Variants in LRTM3 observed in about 807,000 individuals in gnomAD.
The protein encoded by LRTM3 is leucine rich repeat transmembrane protein 3.
chr13:102,755,931 GTATATATATACA>G, the LRTM3 span, among the ~76,000 whole-genome samples: 120 of 115,420 alleles, frequency 1.0e-3, no homozygotes, highest in African/African-American at 3.8e-3. Context: ...GTGTGTGTGT[GTATATATATACA>G]TATATATATA....
chr13:102,732,012 G>C, the LRTM3 span: 2 of 1,551,278 alleles, frequency 1.3e-6, no homozygotes, highest in East Asian at 4.9e-5. Flanking sequence ...TCACTTCTGA[G>C]GTTTGCTTCT....
At chr13:102,734,638 G>T in the LRTM3 span, 1 of 1,550,716 alleles carries the variant, frequency 6.4e-7, no homozygotes, top group African/African-American at 1.4e-5. Context: ...CATCTTTTGG[G>T]ATATCACCAA....
At chr13:102,736,740 C>T in the LRTM3 span, 2 of 1,550,572 alleles carry the variant, frequency 1.3e-6, no homozygotes, top group African/African-American at 1.4e-5. Flanking sequence ...TCTGCCTTTA[C>T]AGCTATGTAC....
chr13:102,741,334 G>GA, the LRTM3 span: 1 of 1,549,324 alleles, frequency 6.5e-7, no homozygotes, highest in Admixed American at 2.0e-5. Context: ...CCTTACTGAG[G>GA]AAAGATTCAG....
the LRTM3 span, chr13:102,731,684 T>A: frequency 6.4e-7 from 1 of 1,551,316 alleles, no homozygotes; most frequent in African/African-American, 1.4e-5. Flanking sequence ...AAGTAAATGT[T>A]CTGCATTTGT....
At chr13:102,731,344 A>C in the LRTM3 span, 1 of 1,551,286 alleles carries the variant, frequency 6.4e-7, no homozygotes, top group Non-Finnish European at 8.7e-7. Context: ...TATCTTTTGA[A>C]ATAGTCCCTT....
At chr13:102,736,020 C>T in the LRTM3 span, 227,019 of 1,548,830 alleles carry the variant, frequency 0.15, 19,991 homozygotes, top group East Asian at 0.44. Flanking sequence ...AGTATTCTAC[C>T]TTCCCTGCCT....
At chr13:102,754,196 C>G in the LRTM3 span, among the ~76,000 whole-genome samples, 1 of 123,406 alleles carries the variant, frequency 8.1e-6, no homozygotes, top group African/African-American at 3.0e-5. Context: ...CAGAATGAGA[C>G]TCCATCTCCA....
the LRTM3 span, chr13:102,743,192 A>T: frequency 4.7e-5 from 73 of 1,550,566 alleles, no homozygotes; most frequent in East Asian, 5.9e-4. Context: ...TGCTCCCTTT[A>T]CCAAGTTGGA....
chr13:102,748,571 G>A, the LRTM3 span: 100 of 1,550,640 alleles, frequency 6.4e-5, no homozygotes, highest in African/African-American at 5.2e-4. Context: ...TCTATTGTTC[G>A]ATTCCATTTC....
At chr13:102,746,169 T>G in the LRTM3 span, 1 of 1,551,156 alleles carries the variant, frequency 6.4e-7, no homozygotes, top group Non-Finnish European at 8.7e-7. Context: ...CGTTGTCCAT[T>G]AATATGTAGC....
At chr13:102,730,719 C>T in the LRTM3 span, 6 of 1,551,842 alleles carry the variant, frequency 3.9e-6, no homozygotes, top group East Asian at 1.2e-4. Context: ...CCACTTTGTC[C>T]ACCAGCATTT....
At chr13:102,736,473 G>T in the LRTM3 span, 1 of 1,551,076 alleles carries the variant, frequency 6.4e-7, no homozygotes. Flanking sequence ...CTCTCTGTTG[G>T]CTTTGTAGGT....
At chr13:102,756,782 C>T in the LRTM3 span, among the ~76,000 whole-genome samples, 95 of 150,316 alleles carry the variant, frequency 6.3e-4, no homozygotes, top group East Asian at 0.017. Flanking sequence ...TAATATGCTG[C>T]TGCCACAGGA....
the LRTM3 span, among the ~76,000 whole-genome samples, chr13:102,754,101 G>T: frequency 1.3e-5 from 2 of 151,596 alleles, no homozygotes; most frequent in African/African-American, 4.9e-5. Context: ...AGCTACTCGG[G>T]AGGCTGAGGC....
At chr13:102,731,108 C>T in the LRTM3 span, 20 of 1,551,378 alleles carry the variant, frequency 1.3e-5, no homozygotes, top group Non-Finnish European at 1.7e-5. Context: ...TAGCATCTCA[C>T]TAGCAGAAGT....
chr13:102,741,845 G>C, the LRTM3 span: 33 of 1,550,100 alleles, frequency 2.1e-5, no homozygotes, highest in African/African-American at 1.2e-4. Flanking sequence ...AATTCGTGGG[G>C]CATCGAAACT....
chr13:102,747,589 A>G, the LRTM3 span: 1 of 1,551,004 alleles, frequency 6.4e-7, no homozygotes, highest in Non-Finnish European at 8.7e-7. Context: ...CAATATGACT[A>G]TCCGTTGTCT....
the LRTM3 span, chr13:102,736,573 T>G: frequency 6.4e-7 from 1 of 1,551,164 alleles, no homozygotes; most frequent in Non-Finnish European, 8.7e-7. Context: ...CTTCTTTTAT[T>G]GAGTCTAACT....
Sources: allele counts gnomAD v4.1 joint callset (sites outside exome capture counted in the v4.1 genomes callset), GRCh38; gene constraint gnomAD v4.1.1; transcripts MANE v1.5; gene names NCBI Gene and HGNC (gene_info 2026-07-23, HGNC 2026-07-21).